PDK3: variants seen among roughly 807,000 people sequenced by gnomAD.
PDK3 encodes pyruvate dehydrogenase kinase 3.
In PDK3, 12 loss-of-function variants were observed where a neutral mutation model predicts 32.0. The observed-to-expected ratio is 0.37, with a 90% CI of 0.24 to 0.61. The LOEUF (loss-of-function observed/expected upper bound fraction) is 0.61. PDK3 is among the 20% of genes least tolerant of loss of function. The pLI, the probability that PDK3 is intolerant of heterozygous loss-of-function variation, is 0.65. For synonymous variants in PDK3, 122 were observed against 116.3 expected (o/e 1.05, Z -0.31); for missense variants, 188 against 316.9 (o/e 0.59, Z 3.09).
At chrX:24,496,296 T>TACACAC (rs74314230) in intron 2 of PDK3, among the ~76,000 whole-genome samples, 33,959 of 102,268 alleles carry the variant, frequency 0.33, 4,509 homozygotes, top group Middle Eastern at 0.41. Flanking sequence ...ACTCTCTGCA[T>TACACAC]ACACACACAC....
At chrX:24,497,472 G>A (rs1238479922) in intron 2 of PDK3, among the ~76,000 whole-genome samples, 2 of 111,654 alleles carry the variant, frequency 1.8e-5, no homozygotes, top group Non-Finnish European at 3.8e-5. Flanking sequence ...TTTTAGTAGA[G>A]ACGGGGTTTC....
chrX:24,506,801 CTTTT>C (rs10682263), intron 5 of PDK3, among the ~76,000 whole-genome samples: 98 of 49,465 alleles, frequency 2.0e-3, no homozygotes, highest in African/African-American at 8.0e-3. Flanking sequence ...TTTTTTCTTT[CTTTT>C]TTTTTTTTTT....
At chrX:24,523,970 C>G (rs866749788) in intron 6 of PDK3, among the ~76,000 whole-genome samples, 1 of 112,243 alleles carries the variant, frequency 8.9e-6, no homozygotes, top group Non-Finnish European at 1.9e-5. Flanking sequence ...CAGCAAGAAC[C>G]AAACCTAACT....
At chrX:24,504,079 A>C (rs927390897) in intron 4 of PDK3, among the ~76,000 whole-genome samples, 1 of 111,969 alleles carries the variant, frequency 8.9e-6, no homozygotes, top group African/African-American at 3.2e-5. Flanking sequence ...CCCTCCACAC[A>C]AAAAACTTTT....
chrX:24,524,877 G>T (rs747902898), intron 6 of PDK3, among the ~76,000 whole-genome samples: 2 of 112,319 alleles, frequency 1.8e-5, no homozygotes, highest in Non-Finnish European at 3.8e-5. Context: ...AACTGCTCAG[G>T]CCAGGCACGG....
chrX:24,489,655 A>G (rs2148186162), intron 1 of PDK3, among the ~76,000 whole-genome samples: 1 of 98,604 alleles, frequency 1.0e-5, no homozygotes, highest in East Asian at 3.2e-4. Context: ...ACTGCACTTC[A>G]GCCTGGGCAA....
At chrX:24,488,154 AAAGAAATATGTC>A in intron 1 of PDK3, among the ~76,000 whole-genome samples, 1 of 111,553 alleles carries the variant, frequency 9.0e-6, no homozygotes, top group African/African-American at 3.3e-5. Flanking sequence ...AACCAGGTAT[AAAGAAATATGTC>A]TGTGAGCTCC....
chrX:24,501,980 C>A (rs1602113908), intron 3 of PDK3, among the ~76,000 whole-genome samples: 1 of 111,976 alleles, frequency 8.9e-6, no homozygotes, highest in East Asian at 2.8e-4. Flanking sequence ...GCATTGATAG[C>A]AGATCCTTTG....
At chrX:24,517,992 T>C (rs1363813043) in intron 5 of PDK3, among the ~76,000 whole-genome samples, 1 of 112,454 alleles carries the variant, frequency 8.9e-6, no homozygotes, top group Non-Finnish European at 1.9e-5. Context: ...TTATTATTTT[T>C]AAGATCATGA....
intron 1 of PDK3, among the ~76,000 whole-genome samples, chrX:24,492,997 CAAAA>C (rs201054747): frequency 2.8e-5 from 2 of 72,380 alleles, no homozygotes; most frequent in African/African-American, 5.2e-5. Flanking sequence ...AACACTCCGT[CAAAA>C]AAAAAAAAAA....
At chrX:24,528,492 C>A (rs764100781) in intron 9 of PDK3, among the ~76,000 whole-genome samples, 200 of 111,975 alleles carry the variant, frequency 1.8e-3, no homozygotes, top group Non-Finnish European at 3.2e-3. Context: ...CTTTGTGCTA[C>A]CCTTGGAAGG....
chrX:24,478,374 C>T (rs969780024), intron 1 of PDK3, among the ~76,000 whole-genome samples: 7 of 111,888 alleles, frequency 6.3e-5, no homozygotes, highest in African/African-American at 2.0e-4. Context: ...GCAGGAGAAT[C>T]GTTTGAACCT....
intron 6 of PDK3, among the ~76,000 whole-genome samples, chrX:24,519,924 GGTTCACACCT>G (rs1922354076): frequency 8.9e-6 from 1 of 112,157 alleles, no homozygotes; most frequent in Admixed American, 9.4e-5. Context: ...TGGACACAGT[GGTTCACACCT>G]GTAATCCCAA....
exon 12 of PDK3, chrX:24,546,870 C>T (rs1157682269): frequency 2.7e-5 from 3 of 112,530 alleles, no homozygotes; most frequent in Admixed American, 9.4e-5. Flanking sequence ...GCATCATTAC[C>T]GAAAGTGTCT....
intron 6 of PDK3, among the ~76,000 whole-genome samples, chrX:24,519,413 G>A (rs929837333): frequency 1.0e-5 from 1 of 95,900 alleles, no homozygotes; most frequent in Non-Finnish European, 2.0e-5. Context: ...TCTGTTGCCC[G>A]GGTTGGAGTA....
intron 5 of PDK3, 24 bp downstream of exon 5, chrX:24,505,322 T>C: frequency 9.2e-7 from 1 of 1,092,219 alleles, no homozygotes; most frequent in Non-Finnish European, 1.3e-6. Context: ...TGTAATGGTA[T>C]CGATCGTAGT....
At chrX:24,493,847 T>C (rs1323097343) in intron 1 of PDK3, among the ~76,000 whole-genome samples, 3 of 112,414 alleles carry the variant, frequency 2.7e-5, no homozygotes, top group African/African-American at 9.7e-5. Context: ...CCAAAGCTCA[T>C]GCCTTTTCTA....
At chrX:24,533,439 G>C (rs767972754) in intron 10 of PDK3, among the ~76,000 whole-genome samples, 4 of 111,611 alleles carry the variant, frequency 3.6e-5, no homozygotes, top group African/African-American at 1.3e-4. Context: ...TGCCCGGCCT[G>C]TTCCCAGGCA....
At chrX:24,493,067 A>G (rs1018017749) in intron 1 of PDK3, among the ~76,000 whole-genome samples, 1 of 111,092 alleles carries the variant, frequency 9.0e-6, no homozygotes, top group Non-Finnish European at 1.9e-5. Context: ...ATGTGTATAG[A>G]ATAGATGTTG....
Sources: gnomAD v4.1 joint callset for allele counts (sites outside exome capture counted in the v4.1 genomes callset) on GRCh38, gnomAD v4.1.1 for gene constraint, MANE v1.5 for transcripts, NCBI Gene and HGNC (gene_info 2026-07-23, HGNC 2026-07-21) for gene names.